The following ARRDC5 variants were observed in gnomAD, a reference collection of about 807,000 sequenced individuals.
ARRDC5 encodes arrestin domain-containing protein 5.
ARRDC5 carries 12 observed loss-of-function variants against 13.3 expected under a neutral mutation model. The ratio of observed to expected loss-of-function variants is 0.90; its 90% confidence interval spans 0.58 to 1.46. The LOEUF is 1.46. ARRDC5 is among the 40% of genes most tolerant of loss of function. ARRDC5 has a pLI of 0.00. For synonymous variants in ARRDC5, 181 were observed against 173.4 expected (o/e 1.04, Z -0.34); for missense variants, 406 against 418.7 (o/e 0.97, Z 0.26).
intron 2 of ARRDC5, among the ~76,000 whole-genome samples, chr19:4,894,725 AGAAGAAGAGGAAGAG>A (rs2031652851): frequency 1.4e-5 from 2 of 141,968 alleles, no homozygotes; most frequent in African/African-American, 5.0e-5. Context: ...AAGGAGAAGA[AGAAGAAGAGGAAGAG>A]GAAGAGGAAG....
Position 4,896,874 on chromosome 19 carries a change from T to C in ARRDC5, c.256A>G (p.Asn86Asp), listed in dbSNP as rs1168336026. 1.2e-6 allele frequency: 2 copies of C among 1,612,476 alleles called. No homozygotes were observed. The highest frequency in any genetic ancestry group is 3.3e-5 in the Admixed American group (2 of 59,956). The change falls in exon 2 of 3, where the codon AAT (asparagine) becomes GAT (aspartate). Residue 86 changes from asparagine (N) to aspartate (D), a missense_variant and splice_region_variant. By Grantham distance (23) the Asn-to-Asp change is conservative. Transcript: ENST00000650722. ...HKTKTFPVED[N>D]WLSAGSHTFD... ...GTGTGGCTGCCTGCACTTAACCAAT[T>C]ATCTGAAAGCAAAACACACCGATGC...
intron 1 of ARRDC5, among the ~76,000 whole-genome samples, chr19:4,898,043 T>C (rs1191415613): frequency 6.6e-6 from 1 of 152,082 alleles, no homozygotes; most frequent in Non-Finnish European, 1.5e-5. Context: ...GCCGAGATCA[T>C]GCCACTGTAC....
chr19:4,907,195 C>G (rs780887429), upstream of ARRDC5, among the ~76,000 whole-genome samples: 2 of 152,076 alleles, frequency 1.3e-5, no homozygotes, highest in Admixed American at 1.3e-4. Flanking sequence ...CTGCAACCTC[C>G]GTCTCCTGGG....
upstream of ARRDC5, among the ~76,000 whole-genome samples, chr19:4,905,617 A>G (rs1322137877): frequency 1.3e-5 from 2 of 151,914 alleles, no homozygotes. Context: ...TCCTGGGTTC[A>G]AGCAATTCTT....
At chr19:4,916,470 G>A in the ARRDC5 span, among the ~76,000 whole-genome samples, 1 of 152,148 alleles carries the variant, frequency 6.6e-6, no homozygotes, top group South Asian at 2.1e-4. Flanking sequence ...AAGTGGCAGC[G>A]ACAGTGATCG....
the ARRDC5 span, among the ~76,000 whole-genome samples, chr19:4,913,553 C>T: frequency 6.6e-6 from 1 of 152,030 alleles, no homozygotes; most frequent in African/African-American, 2.4e-5. Context: ...CTGCACCCAG[C>T]CACGTACATT....
intron 2 of ARRDC5, 27 bp from the exon 3 acceptor site, chr19:4,891,600 C>T (rs1266107262): frequency 4.4e-6 from 7 of 1,584,050 alleles, no homozygotes; most frequent in Non-Finnish European, 6.0e-6. Flanking sequence ...GAACAGACAA[C>T]CGTGAGGGAC....
intron 2 of ARRDC5, among the ~76,000 whole-genome samples, chr19:4,894,749 A>G (rs1295298948): frequency 6.7e-6 from 1 of 149,822 alleles, no homozygotes; most frequent in Non-Finnish European, 1.5e-5. Context: ...AGGAAGAGGA[A>G]GAGGAAGAAG....
At chr19:4,902,273 AAAG>A (rs2031946665) in intron 1 of ARRDC5, among the ~76,000 whole-genome samples, 2 of 152,180 alleles carry the variant, frequency 1.3e-5, no homozygotes, top group Non-Finnish European at 2.9e-5. Context: ...CTTATCTGTA[AAAG>A]AATAAGACTT....
At chr19:4,894,693 A>G (rs534051007) in intron 2 of ARRDC5, among the ~76,000 whole-genome samples, 239 of 136,784 alleles carry the variant, frequency 1.7e-3, no homozygotes, top group African/African-American at 5.7e-3. Context: ...AAAAAAAAAA[A>G]AAGAAGAAGA....
chr19:4,891,063 G>A lies in ARRDC5; in HGVS notation c.970C>T (p.Pro324Ser). Reference protein sequence around the residue: ...LSEDGVLPVNPDHQN With the variant: ...LSEDGVLPVNSDHQN The stretch of plus-strand genomic sequence containing the variant: ...TCGGGCACTTAATTCTGGTGATCTG[G>A]GTTCACGGGTAACACTCCGTCCTCT... The change falls in exon 3 of 3, where the codon CCA (proline) becomes TCA (serine). Residue 324 changes from proline (P) to serine (S), a missense_variant. By Grantham distance (74) the Pro-to-Ser change is moderately conservative. Transcript: ENST00000650722. 1 of 1,612,122 alleles carries A rather than the reference G, an allele frequency of 6.2e-7. No homozygotes were observed. The highest frequency in any genetic ancestry group is 1.3e-5 in the African/African-American group (1 of 74,994).
the ARRDC5 span, among the ~76,000 whole-genome samples, chr19:4,911,190 C>G: frequency 6.6e-6 from 1 of 152,134 alleles, no homozygotes; most frequent in South Asian, 2.1e-4. Context: ...CCACAGAAAC[C>G]TCAAATGCCT....
chr19:4,916,682 T>C, the ARRDC5 span, among the ~76,000 whole-genome samples: 11 of 152,216 alleles, frequency 7.2e-5, no homozygotes, highest in Non-Finnish European at 1.6e-4. Flanking sequence ...CCTCCGTGTC[T>C]AGGATCCTCC....
At chr19:4,902,243 G>GT (rs1324919319) in intron 1 of ARRDC5, among the ~76,000 whole-genome samples, 1 of 152,116 alleles carries the variant, frequency 6.6e-6, no homozygotes, top group Non-Finnish European at 1.5e-5. Context: ...GTCTCCTGGG[G>GT]TTTTGCTGTC....
At chr19:4,914,579 T>A in the ARRDC5 span, among the ~76,000 whole-genome samples, 1 of 151,618 alleles carries the variant, frequency 6.6e-6, no homozygotes, top group Non-Finnish European at 1.5e-5. Flanking sequence ...CGCAGGGAGC[T>A]GATCGAGGGC....
At chr19:4,896,405 C>CACACAT (rs539564532) in intron 2 of ARRDC5, among the ~76,000 whole-genome samples, 34 of 106,384 alleles carry the variant, frequency 3.2e-4, no homozygotes, top group Non-Finnish European at 5.1e-4. Flanking sequence ...CACACACACA[C>CACACAT]ATATATATAA....
At chr19:4,914,739 C>T in the ARRDC5 span, among the ~76,000 whole-genome samples, 1 of 151,822 alleles carries the variant, frequency 6.6e-6, no homozygotes, top group Non-Finnish European at 1.5e-5. Context: ...CAACGCTCTG[C>T]ACTGTACATA....
chr19:4,909,491 G>T, the ARRDC5 span: 1 of 655,378 alleles, frequency 1.5e-6, no homozygotes. Flanking sequence ...GTTTTCGCGG[G>T]AAAAAAATCA....
At chr19:4,908,199 G>C in the ARRDC5 span, among the ~76,000 whole-genome samples, 1 of 152,286 alleles carries the variant, frequency 6.6e-6, no homozygotes, top group African/African-American at 2.4e-5. Context: ...CCTTTTAGCT[G>C]TGTAAGGCAC....
Sources: allele counts gnomAD v4.1 joint callset (sites outside exome capture counted in the v4.1 genomes callset), GRCh38; gene constraint gnomAD v4.1.1; transcripts MANE v1.5; gene names NCBI Gene and HGNC (gene_info 2026-07-23, HGNC 2026-07-21).